The following MAGI1 variants were observed in gnomAD, a reference collection of about 807,000 sequenced individuals.
The protein encoded by MAGI1 is membrane associated guanylate kinase, WW and PDZ domain containing 1.
A neutral mutation model predicts 139.9 loss-of-function variants in MAGI1; 58 were observed. That is an observed-to-expected ratio of 0.41 (90% CI 0.34 to 0.52). MAGI1 has a LOEUF of 0.52. MAGI1 is among the 20% of genes least tolerant of loss of function. The probability of loss-of-function intolerance (pLI) is 0.12; values close to 1 mark genes in which losing one functional copy is unlikely to be tolerated. For missense variants in MAGI1, 1,874 were observed against 1,901.6 expected (o/e 0.99, Z 0.27); for synonymous variants, 812 against 737.9 (o/e 1.10, Z -1.63).
chr3:66,024,837 A>C (rs1043819791), intron 1 of MAGI1, among the ~76,000 whole-genome samples: 8 of 152,148 alleles, frequency 5.3e-5, no homozygotes, highest in African/African-American at 1.7e-4. Context: ...AAAACTACTC[A>C]GTTTCTGACT....
At chr3:65,663,948 C>A (rs1354372654) in intron 1 of MAGI1, among the ~76,000 whole-genome samples, 1 of 152,124 alleles carries the variant, frequency 6.6e-6, no homozygotes, top group Non-Finnish European at 1.5e-5. Context: ...TTAATAACAA[C>A]TATAATATGT....
intron 1 of MAGI1, among the ~76,000 whole-genome samples, chr3:65,624,413 A>T (rs746254238): frequency 9.9e-5 from 15 of 152,242 alleles, no homozygotes; most frequent in Non-Finnish European, 1.9e-4. Context: ...ACTGTGGTAT[A>T]ATCAAGCACT....
At chr3:65,488,348 G>GT (rs1367687935) in intron 3 of MAGI1, among the ~76,000 whole-genome samples, 3 of 148,824 alleles carry the variant, frequency 2.0e-5, no homozygotes, top group Non-Finnish European at 3.0e-5. Context: ...TTTTTTTTTT[G>GT]TTTTTTGAGA....
intron 1 of MAGI1, among the ~76,000 whole-genome samples, chr3:65,835,648 C>T (rs1236139911): frequency 6.6e-6 from 1 of 152,110 alleles, no homozygotes; most frequent in African/African-American, 2.4e-5. Flanking sequence ...GGTGTATTTA[C>T]TTTCATTGCC....
chr3:65,439,925 C>G lies in MAGI1; in HGVS notation c.1224G>C (p.Gln408His), dbSNP rs770861590. ...GCTGCTGCTGCTGCTGTTGCTGCTG[C>G]TGTTGCTGCTGCTGCTGCTGCTCAA... Reference protein sequence around the residue: ...KQLEQQQQQQQQQQQQQQQQQ... With the variant: ...KQLEQQQQQQHQQQQQQQQQQ... The change falls in exon 9 of 23, where the codon CAG (glutamine) becomes CAC (histidine). Residue 408 changes from glutamine to histidine, a missense_variant. By Grantham distance (24) the Gln-to-His change is conservative. Around this residue, in one of 5 missense-constraint regions of MAGI1, gnomAD observed 648 missense variants for 598.1 expected, o/e 1.08. Transcript: ENST00000402939. 1 of 1,610,410 alleles carries G rather than the reference C, an allele frequency of 6.2e-7. No homozygotes were observed. Among genetic ancestry groups the G allele is most frequent in the Admixed American group, 1.7e-5 (1 of 59,922 alleles).
intron 3 of MAGI1, among the ~76,000 whole-genome samples, chr3:65,479,085 C>T (rs1449901651): frequency 2.6e-5 from 4 of 152,178 alleles, no homozygotes; most frequent in East Asian, 1.9e-4. Flanking sequence ...CTCCTCATTA[C>T]ATTTGAATAT....
chr3:65,838,015 T>C (rs1330135409), intron 1 of MAGI1, among the ~76,000 whole-genome samples: 1 of 152,206 alleles, frequency 6.6e-6, no homozygotes, highest in African/African-American at 2.4e-5. Flanking sequence ...TACATAACCG[T>C]AGTACAACTT....
intron 18 of MAGI1, among the ~76,000 whole-genome samples, chr3:65,369,991 A>G (rs1449182595): frequency 1.3e-5 from 2 of 152,224 alleles, no homozygotes; most frequent in African/African-American, 4.8e-5. Flanking sequence ...ACTATGTCCA[A>G]CACGCTTTCA....
intron 1 of MAGI1, among the ~76,000 whole-genome samples, chr3:65,792,051 C>T (rs2039811873): frequency 6.6e-6 from 1 of 151,804 alleles, no homozygotes; most frequent in East Asian, 1.9e-4. Context: ...TACATACATA[C>T]TTCTGATAAA....
intron 13 of MAGI1, 55 bp downstream of exon 13, chr3:65,401,383 GC>G (rs1944879009): frequency 6.2e-5 from 27 of 433,234 alleles, no homozygotes; most frequent in Non-Finnish European, 9.5e-5. Flanking sequence ...CCCACCTCCA[GC>G]CCCCCACCAT....
At chr3:65,978,963 C>T (rs1027038356) in intron 1 of MAGI1, among the ~76,000 whole-genome samples, 4 of 152,060 alleles carry the variant, frequency 2.6e-5, no homozygotes, top group Admixed American at 1.3e-4. Context: ...GCAATAATTT[C>T]GAGGACTCAG....
chr3:65,866,001 T>C (rs1185514631), intron 1 of MAGI1, among the ~76,000 whole-genome samples: 2 of 152,196 alleles, frequency 1.3e-5, no homozygotes, highest in Admixed American at 6.5e-5. Flanking sequence ...GTTCATAACA[T>C]ATGACTGAGA....
chr3:65,981,466 C>T (rs1430933547), intron 1 of MAGI1, among the ~76,000 whole-genome samples: 3 of 152,186 alleles, frequency 2.0e-5, no homozygotes, highest in Non-Finnish European at 2.9e-5. Context: ...GAACAAACAA[C>T]TTGCCTTCAG....
intron 1 of MAGI1, among the ~76,000 whole-genome samples, chr3:65,828,940 C>T (rs2042374617): frequency 1.3e-5 from 2 of 152,304 alleles, no homozygotes; most frequent in South Asian, 2.1e-4. Context: ...CCGCTAGAGG[C>T]TGGGAATGGC....
intron 1 of MAGI1, among the ~76,000 whole-genome samples, chr3:65,685,624 T>C (rs974572626): frequency 6.6e-6 from 1 of 152,294 alleles, no homozygotes; most frequent in Middle Eastern, 3.4e-3. Context: ...AAGTAGCAAA[T>C]AAATACATCT....
At chr3:65,996,821 A>C (rs1467368018) in intron 1 of MAGI1, among the ~76,000 whole-genome samples, 2 of 152,220 alleles carry the variant, frequency 1.3e-5, no homozygotes, top group Non-Finnish European at 2.9e-5. Flanking sequence ...GATGAAATCA[A>C]CACCCTGAAC....
At chr3:65,584,631 GC>G (rs1211961982) in intron 2 of MAGI1, among the ~76,000 whole-genome samples, 2 of 152,140 alleles carry the variant, frequency 1.3e-5, no homozygotes, top group African/African-American at 4.8e-5. Context: ...ACATCTTTAT[GC>G]CCTCAGTCTA....
intron 1 of MAGI1, among the ~76,000 whole-genome samples, chr3:65,740,380 C>T (rs1008673676): frequency 4.6e-5 from 7 of 152,130 alleles, no homozygotes; most frequent in Non-Finnish European, 8.8e-5. Flanking sequence ...ACTGCAAAAA[C>T]CAGTGCTTGG....
At chr3:65,780,730 G>A (rs565858319) in intron 1 of MAGI1, among the ~76,000 whole-genome samples, 5 of 152,252 alleles carry the variant, frequency 3.3e-5, no homozygotes, top group South Asian at 2.1e-4. Flanking sequence ...TATAAAAAAC[G>A]TAGGAAAATT....
Sources: allele counts gnomAD v4.1 joint callset (sites outside exome capture counted in the v4.1 genomes callset), GRCh38; gene constraint gnomAD v4.1.1; regional missense constraint gnomAD v4.1.1; transcripts MANE v1.5; gene names NCBI Gene and HGNC (gene_info 2026-07-23, HGNC 2026-07-21).